Variants in TNFSF4 observed in about 807,000 individuals in gnomAD.
TNFSF4 encodes the protein tumor necrosis factor ligand superfamily member 4.
In TNFSF4, 4 loss-of-function variants were observed where a neutral mutation model predicts 7.3. The ratio of observed to expected loss-of-function variants is 0.55; its 90% CI spans 0.27 to 1.25. TNFSF4 has a LOEUF of 1.25. TNFSF4 is among the 50% of genes most tolerant of loss of function. The pLI is 0.12. For synonymous variants in TNFSF4, 76 were observed against 83.7 expected (o/e 0.91, Z 0.50); for missense variants, 181 against 208.8 (o/e 0.87, Z 0.82).
At chr1:173,349,381 T>C in the TNFSF4 span, among the ~76,000 whole-genome samples, 22 of 152,212 alleles carry the variant, frequency 1.4e-4, no homozygotes, top group Non-Finnish European at 2.8e-4. Flanking sequence ...CCATATTGCA[T>C]CAGAAATCCA....
the TNFSF4 span, among the ~76,000 whole-genome samples, chr1:173,233,997 A>G: frequency 3.7e-4 from 56 of 152,214 alleles, 1 homozygote; most frequent in Non-Finnish European, 1.3e-4. Context: ...AACCACCATC[A>G]GAGTGAACAG....
At chr1:173,374,746 AG>A in the TNFSF4 span, among the ~76,000 whole-genome samples, 2 of 152,182 alleles carry the variant, frequency 1.3e-5, no homozygotes, top group African/African-American at 4.8e-5. Context: ...TACTCTTTGC[AG>A]TAGGACTATA....
At chr1:173,218,160 A>G in the TNFSF4 span, among the ~76,000 whole-genome samples, 1 of 152,064 alleles carries the variant, frequency 6.6e-6, no homozygotes, top group African/African-American at 2.4e-5. Flanking sequence ...TTCCCCAGGT[A>G]TTTCTAGGAA....
the TNFSF4 span, among the ~76,000 whole-genome samples, chr1:173,291,694 T>A: frequency 6.6e-6 from 1 of 151,462 alleles, no homozygotes; most frequent in East Asian, 1.9e-4. Context: ...CATACAAAGG[T>A]CACTGAAACC....
At chr1:173,342,611 T>C in the TNFSF4 span, among the ~76,000 whole-genome samples, 3 of 152,206 alleles carry the variant, frequency 2.0e-5, no homozygotes, top group African/African-American at 7.2e-5. Context: ...CAACTGCCTG[T>C]CCTAATCCCG....
the TNFSF4 span, among the ~76,000 whole-genome samples, chr1:173,278,930 G>C: frequency 6.6e-6 from 1 of 152,054 alleles, no homozygotes; most frequent in African/African-American, 2.4e-5. Context: ...AAAATATCTT[G>C]AGGAACAACA....
chr1:173,382,917 C>T, the TNFSF4 span, among the ~76,000 whole-genome samples: 76 of 150,896 alleles, frequency 5.0e-4, no homozygotes, highest in African/African-American at 1.8e-3. Context: ...CACAAAGGTG[C>T]GTCAAAACTA....
the TNFSF4 span, among the ~76,000 whole-genome samples, chr1:173,445,462 C>T: frequency 1.3e-5 from 2 of 152,086 alleles, no homozygotes; most frequent in Non-Finnish European, 2.9e-5. Context: ...CATTCTCATT[C>T]CCTCCCCCAT....
the TNFSF4 span, among the ~76,000 whole-genome samples, chr1:173,295,862 T>A: frequency 6.6e-6 from 1 of 152,040 alleles, no homozygotes; most frequent in African/African-American, 2.4e-5. Context: ...TTGTTCCTGC[T>A]TCAATTTTAG....
the TNFSF4 span, among the ~76,000 whole-genome samples, chr1:173,216,234 T>A: frequency 3.3e-5 from 5 of 152,124 alleles, no homozygotes; most frequent in Non-Finnish European, 7.4e-5. Context: ...TACATGGGCA[T>A]CTACCCTCAT....
At chr1:173,186,968 A>T in intron 2 of TNFSF4, 103 bp from the exon 3 acceptor site, 1 of 775,810 alleles carries the variant, frequency 1.3e-6, no homozygotes, top group Non-Finnish European at 2.0e-6. Context: ...AGTGATAGGG[A>T]GAGATTTTGA....
chr1:173,288,914 G>A, the TNFSF4 span, among the ~76,000 whole-genome samples: 16 of 152,102 alleles, frequency 1.1e-4, no homozygotes, highest in Non-Finnish European at 1.3e-4. Flanking sequence ...TTAAGAAATT[G>A]TACACAGTAT....
At chr1:173,269,597 G>T in the TNFSF4 span, among the ~76,000 whole-genome samples, 36,104 of 152,028 alleles carry the variant, frequency 0.24, 4,380 homozygotes, top group Admixed American at 0.33. Context: ...GGATGGCTAT[G>T]AAGTGACTAA....
At chr1:173,272,594 A>C in the TNFSF4 span, among the ~76,000 whole-genome samples, 1 of 152,136 alleles carries the variant, frequency 6.6e-6, no homozygotes, top group African/African-American at 2.4e-5. Context: ...TCTCTAGTGA[A>C]GCTTTCCTGT....
At chr1:173,358,947 C>T in the TNFSF4 span, among the ~76,000 whole-genome samples, 1 of 152,160 alleles carries the variant, frequency 6.6e-6, no homozygotes, top group Admixed American at 6.5e-5. Flanking sequence ...AGGCACCTGG[C>T]TTACATGGTG....
the TNFSF4 span, chr1:173,362,535 C>T: frequency 1.9e-6 from 1 of 540,110 alleles, no homozygotes; most frequent in Non-Finnish European, 3.7e-6. Flanking sequence ...CTTTTGCCTC[C>T]ATCCTTCCCA....
At chr1:173,365,798 T>C in the TNFSF4 span, among the ~76,000 whole-genome samples, 56 of 152,306 alleles carry the variant, frequency 3.7e-4, no homozygotes, top group East Asian at 0.01. Flanking sequence ...AATAAATGTT[T>C]TGGGGTATGA....
chr1:173,279,990 T>G, the TNFSF4 span, among the ~76,000 whole-genome samples: 1 of 152,122 alleles, frequency 6.6e-6, no homozygotes, highest in Non-Finnish European at 1.5e-5. Context: ...TGTAGCCTCA[T>G]CTCTTTTCAA....
the TNFSF4 span, among the ~76,000 whole-genome samples, chr1:173,282,260 T>G: frequency 6.6e-6 from 1 of 152,124 alleles, no homozygotes; most frequent in African/African-American, 2.4e-5. Flanking sequence ...TACCCTGATC[T>G]GATCATTACA....
Sources: gnomAD v4.1 joint callset for allele counts (sites outside exome capture counted in the v4.1 genomes callset) on GRCh38, gnomAD v4.1.1 for gene constraint, MANE v1.5 for transcripts, NCBI Gene and HGNC (gene_info 2026-07-23, HGNC 2026-07-21) for gene names.